DIAPH3: variants seen among roughly 807,000 people sequenced by gnomAD.
DIAPH3 encodes the protein diaphanous related formin 3.
Under a neutral mutation model 144.3 loss-of-function variants are expected in DIAPH3, and 117 were observed. The observed-to-expected ratio is 0.81, with a 90% CI of 0.70 to 0.95. The LOEUF is 0.95. Among genes scored for constraint, DIAPH3 ranks in the 40% least tolerant of loss-of-function variants. The probability of loss-of-function intolerance (pLI) is 0.00; values close to 1 mark genes in which losing one functional copy is unlikely to be tolerated. For missense variants in DIAPH3, 1,421 were observed against 1,412.7 expected (o/e 1.01, Z -0.09); for synonymous variants, 519 against 488.9 (o/e 1.06, Z -0.81).
chr13:59,924,972 A>C, intron 17 of DIAPH3, 102 bp from the exon 18 acceptor site: 2 of 1,478,402 alleles, frequency 1.4e-6, no homozygotes, highest in Non-Finnish European at 1.8e-6. Flanking sequence ...AAAGGATGTA[A>C]CTCTTCTAAA....
At chr13:59,840,817 G>GT (rs35513878) in intron 22 of DIAPH3, among the ~76,000 whole-genome samples, 110,097 of 148,968 alleles carry the variant, frequency 0.74, 40,887 homozygotes, top group East Asian at 0.87. Context: ...TTCTCAGTAG[G>GT]TTTTTTTTTT....
chr13:59,908,369 CAAAAA>C lies in DIAPH3; in HGVS notation c.2367+3361_2367+3365del, dbSNP rs773306723. On this transcript the variant is annotated intron_variant, in intron 20 of 27. Transcript: ENST00000400324. ...CTGGTGACAGAGCTAGACTCTGTCT[CAAAAA>C]AAAAAAAAAAAAAAAAAAAAGTAAG... Among the ~76,000 whole-genome samples, 4 of 41,162 alleles carry C rather than the reference CAAAAA, an allele frequency of 9.7e-5. No homozygotes were observed. The East Asian group carries it at 1.4e-3, about 14-fold the overall frequency. 27.0% of individuals were successfully genotyped at this position (41,162 alleles called of 152,430 possible).
chr13:59,946,830 A>G (rs1271048270), intron 17 of DIAPH3, among the ~76,000 whole-genome samples: 1 of 152,194 alleles, frequency 6.6e-6, no homozygotes, highest in Non-Finnish European at 1.5e-5. Context: ...CAAAAATGAG[A>G]ACATTTGAAA....
chr13:59,805,232 C>T (rs1416645942), intron 25 of DIAPH3, among the ~76,000 whole-genome samples: 1 of 151,986 alleles, frequency 6.6e-6, no homozygotes, highest in Non-Finnish European at 1.5e-5. Flanking sequence ...ATTTCAAGGC[C>T]ATTTTGATCT....
chr13:60,038,077 A>G (rs2055361200), intron 5 of DIAPH3, among the ~76,000 whole-genome samples: 2 of 152,148 alleles, frequency 1.3e-5, no homozygotes, highest in Admixed American at 6.5e-5. Context: ...AAGGAATGAT[A>G]AACCCAAAAC....
At chr13:59,705,354 G>A (rs2034358520) in intron 27 of DIAPH3, among the ~76,000 whole-genome samples, 1 of 152,200 alleles carries the variant, frequency 6.6e-6, no homozygotes, top group Admixed American at 6.5e-5. Flanking sequence ...GTGCCACTCA[G>A]ATTCTACTCA....
chr13:59,913,716 G>T (rs898412693), intron 19 of DIAPH3, among the ~76,000 whole-genome samples: 7 of 152,154 alleles, frequency 4.6e-5, no homozygotes, highest in Non-Finnish European at 1.0e-4. Context: ...CCAGCACTTT[G>T]AGAGACCGAG....
intron 27 of DIAPH3, among the ~76,000 whole-genome samples, chr13:59,738,624 A>G (rs2036283092): frequency 6.6e-6 from 1 of 152,138 alleles, no homozygotes; most frequent in Non-Finnish European, 1.5e-5. Context: ...GCACAAGGGA[A>G]TATATTCCTC....
chr13:59,714,130 G>C (rs904672106), intron 27 of DIAPH3, among the ~76,000 whole-genome samples: 7 of 152,068 alleles, frequency 4.6e-5, no homozygotes, highest in Non-Finnish European at 1.0e-4. Flanking sequence ...GGAGGCCGAG[G>C]CGGGCGGATC....
intron 23 of DIAPH3, chr13:59,839,118 A>ATAAG (rs2042199084): frequency 2.1e-6 from 1 of 482,226 alleles, no homozygotes; most frequent in Admixed American, 3.4e-5. Flanking sequence ...AAATAAATAA[A>ATAAG]CAAACAGACA....
In DIAPH3 at chr13:60,016,070, C is replaced by T; in HGVS notation, c.701+1G>A. 1 of 1,612,862 alleles carries T rather than the reference C, an allele frequency of 6.2e-7. No individual in the cohort carries two copies. Among genetic ancestry groups the T allele is most frequent in the Non-Finnish European group, 8.5e-7 (1 of 1,179,216 alleles). On this transcript the variant is annotated splice_donor_variant, in intron 6 of 27. Coordinates refer to ENST00000400324, the MANE Select transcript of DIAPH3 (RefSeq NM_001042517.2). LOFTEE classifies it high-confidence loss of function. ...TGAAAATAATTATTAGCAATACTTA[C>T]ATTTTTCCACTAATCAGTTTTTCCA...
rs542719240 is a variant in DIAPH3, at chr13:59,861,228, C to T, written c.2737+179G>A. 5 of 1,496,998 alleles carry T rather than the reference C, an allele frequency of 3.3e-6. No homozygotes were observed. The South Asian group carries it at 6.6e-5, about 20-fold the overall frequency. 92.7% of individuals were successfully genotyped at this position (1,496,998 alleles called of 1,614,324 possible). A position where few individuals can be genotyped will look rare whatever the true frequency, so the allele number is the denominator to read the frequency against. On this transcript the variant is annotated intron_variant, in intron 22 of 27. Coordinates refer to ENST00000400324, the MANE Select transcript of DIAPH3 (RefSeq NM_001042517.2). Reference sequence around the variant, plus strand: ...TCATCATCTAACTAAACAAATTAAACTCATAGCTCCAATCATGACAACTCA... The same window carrying T: ...TCATCATCTAACTAAACAAATTAAATTCATAGCTCCAATCATGACAACTCA...
At chr13:59,738,050 C>A (rs2036249539) in intron 27 of DIAPH3, among the ~76,000 whole-genome samples, 1 of 152,008 alleles carries the variant, frequency 6.6e-6, no homozygotes, top group African/African-American at 2.4e-5. Flanking sequence ...ACCTGTAATC[C>A]TAGCTACTTG....
intron 5 of DIAPH3, among the ~76,000 whole-genome samples, chr13:60,018,281 C>T (rs17669147): frequency 6.6e-6 from 1 of 151,992 alleles, no homozygotes; most frequent in African/African-American, 2.4e-5. Flanking sequence ...CACTGTTCAT[C>T]AAACTGCCTC....
intron 5 of DIAPH3, among the ~76,000 whole-genome samples, chr13:60,020,192 G>C (rs2053918790): frequency 6.6e-6 from 1 of 152,086 alleles, no homozygotes; most frequent in South Asian, 2.1e-4. Context: ...CATATAAGAG[G>C]TTATAGTCAC....
At chr13:59,915,909 C>G (rs989628307) in intron 19 of DIAPH3, among the ~76,000 whole-genome samples, 2 of 152,048 alleles carry the variant, frequency 1.3e-5, no homozygotes, top group Admixed American at 6.6e-5. Flanking sequence ...AAACAATTTG[C>G]TTTTCAGAAA....
At chr13:60,083,340 G>A (rs2057628665) in intron 4 of DIAPH3, among the ~76,000 whole-genome samples, 3 of 151,934 alleles carry the variant, frequency 2.0e-5, no homozygotes, top group African/African-American at 4.8e-5. Flanking sequence ...CTATATCACT[G>A]GCTAACCAAA....
chr13:60,095,336 ACTCATAGGCAGTGTG>A (rs2058074880), intron 3 of DIAPH3, among the ~76,000 whole-genome samples: 1 of 152,186 alleles, frequency 6.6e-6, no homozygotes, highest in Non-Finnish European at 1.5e-5. Context: ...AGCAGGGCTA[ACTCATAGGCAGTGTG>A]CTCAGAGTCA....
chr13:60,042,637 A>G (rs2055765790), intron 5 of DIAPH3, 53 bp downstream of exon 5: 2 of 1,608,852 alleles, frequency 1.2e-6, no homozygotes, highest in Non-Finnish European at 1.7e-6. Context: ...GTATTAAACT[A>G]AAAGAACACA....
Sources: allele counts gnomAD v4.1 joint callset (sites outside exome capture counted in the v4.1 genomes callset), GRCh38; gene constraint gnomAD v4.1.1; transcripts MANE v1.5; gene names NCBI Gene and HGNC (gene_info 2026-07-23, HGNC 2026-07-21).